Variants in TIMP2 observed in about 807,000 individuals in gnomAD.
TIMP2 encodes the protein TIMP metallopeptidase inhibitor 2.
A neutral mutation model predicts 24.3 loss-of-function variants in TIMP2; 5 were observed. That is an observed-to-expected ratio of 0.21 (90% confidence interval 0.11 to 0.43). The LOEUF (loss-of-function observed/expected upper bound fraction) is 0.43. Ranked by LOEUF, TIMP2 falls within the 20% of genes least tolerant of loss-of-function variation. TIMP2 has a pLI of 1.00. For missense variants in TIMP2, 221 were observed against 297.5 expected (o/e 0.74, Z 1.89); for synonymous variants, 130 against 123.2 (o/e 1.06, Z -0.37).
Position 78,857,353 on chromosome 17 carries a change from C to A in TIMP2, c.465+169G>T. The A allele has an allele frequency of 5.6e-6, 5 of 886,302 alleles. No individual in the cohort carries two copies. The South Asian group carries it at 8.5e-5, about 15-fold the overall frequency. 54.9% of individuals were successfully genotyped at this position (886,302 alleles called of 1,614,324 possible). ...AGGGACCAGGGGTCAAAGGCTCTGT[C>A]CCCAGCCAGACAGCCTTACTCTTGG... On this transcript the variant is annotated intron_variant, in intron 4 of 4. Coordinates refer to ENST00000262768, the MANE Select transcript of TIMP2 (RefSeq NM_003255.5).
At chr17:78,882,824 G>C (rs541034582) in intron 1 of TIMP2, among the ~76,000 whole-genome samples, 1 of 152,378 alleles carries the variant, frequency 6.6e-6, no homozygotes, top group East Asian at 1.9e-4. Flanking sequence ...GTGTTGTGAG[G>C]TGACAGTGAG....
chr17:78,896,284 T>C lies in TIMP2; in HGVS notation c.131-22365A>G, dbSNP rs567041178. Among the ~76,000 whole-genome samples the C allele has an allele frequency of 1.3e-5, 2 of 152,344 alleles. No homozygotes were observed. Among genetic ancestry groups the C allele is most frequent in the South Asian group, 4.1e-4 (2 of 4,830 alleles). On this transcript the variant is annotated intron_variant, in intron 1 of 4. Coordinates refer to ENST00000262768, the MANE Select transcript of TIMP2 (RefSeq NM_003255.5). This position sits in a 1 kb window ranked among gnomAD's most constrained non-coding sequence, Gnocchi z 4.4. Reference sequence around the variant, plus strand: ...AACAGAGCCTTAGCTGAGCCCAAGATGACCAAGGAGAAACAGCCGTTCACC... The same window carrying C: ...AACAGAGCCTTAGCTGAGCCCAAGACGACCAAGGAGAAACAGCCGTTCACC...
At chr17:78,892,463 C>T (rs575986803) in intron 1 of TIMP2, 76 of 1,544,196 alleles carry the variant, frequency 4.9e-5, no homozygotes, top group Admixed American at 4.6e-4. Flanking sequence ...AGCAAACCTA[C>T]GAGGAAGGGA....
intron 1 of TIMP2, chr17:78,890,634 G>C: frequency 6.5e-7 from 1 of 1,547,454 alleles, no homozygotes; most frequent in Non-Finnish European, 8.7e-7. Context: ...TGGGCCTCTC[G>C]CATTTAGCAT....
intron 1 of TIMP2, among the ~76,000 whole-genome samples, chr17:78,908,481 CA>C (rs1460671487): frequency 6.6e-6 from 1 of 152,076 alleles, no homozygotes; most frequent in African/African-American, 2.4e-5. Flanking sequence ...GCCTCTTGGC[CA>C]AAAGGAGCAA....
rs1040738131 is a variant in TIMP2 at position 78,896,373 on chromosome 17, C to T, written c.131-22454G>A. ...ATGCCCAGGCTGATCTCCAGGCAGC[C>T]CAGTGTCTCTCCAGCCCTGCCAGAC... On this transcript the variant is annotated intron_variant, in intron 1 of 4. Transcript: ENST00000262768. This position sits in a 1 kb window ranked among gnomAD's most constrained non-coding sequence, Gnocchi z 4.4. Among the ~76,000 whole-genome samples the T allele has an allele frequency of 2.0e-5, 3 of 152,216 alleles. No homozygotes were observed. The highest frequency in any genetic ancestry group is 7.2e-5 in the African/African-American group (3 of 41,458).
intron 4 of TIMP2, chr17:78,857,221 C>T (rs2069530700): frequency 3.1e-6 from 1 of 323,682 alleles, no homozygotes; most frequent in South Asian, 4.7e-5. Flanking sequence ...CTCCCGACCT[C>T]AAGTGACCCA....
chr17:78,918,647 C>A (rs2070284053), intron 1 of TIMP2, among the ~76,000 whole-genome samples: 1 of 152,158 alleles, frequency 6.6e-6, no homozygotes, highest in African/African-American at 2.4e-5. Context: ...TGTTCAGACC[C>A]ACGGGCAACA....
rs2145741773 is a variant in TIMP2 at position 78,853,390 on chromosome 17, T to C, written c.*2277A>G. 6.6e-6 allele frequency: 1 copy of C among 152,576 alleles called. No homozygotes were observed. The allele number at this position is 152,576 out of a possible 1,614,324, so 9.5% of individuals were successfully genotyped here. A position where few individuals can be genotyped will look rare whatever the true frequency, so the allele number is the denominator to read the frequency against. ...ACTATATATATATTGCCACTATTTA[T>C]TGTGAAGGTATTTGAGCGGCTTCCT... is the stretch of plus-strand genomic sequence containing the variant. On this transcript the variant is annotated 3_prime_UTR_variant, in exon 5 of 5. Transcript: ENST00000262768.
intron 1 of TIMP2, chr17:78,874,224 G>T: frequency 2.8e-6 from 1 of 353,356 alleles, no homozygotes; most frequent in South Asian, 4.9e-5. Flanking sequence ...TTCTGTAACA[G>T]TGGGAGGCAG....
At chr17:78,917,052 AC>A (rs1415258720) in intron 1 of TIMP2, among the ~76,000 whole-genome samples, 1 of 152,158 alleles carries the variant, frequency 6.6e-6, no homozygotes, top group Non-Finnish European at 1.5e-5. Context: ...GGAGTTTGAG[AC>A]CAGCCTGGCC....
At chr17:78,901,827 A>G (rs1050629667) in intron 1 of TIMP2, 3 of 711,974 alleles carry the variant, frequency 4.2e-6, no homozygotes, top group Admixed American at 4.1e-5. Context: ...CCCAGAACAC[A>G]TTACAGGGAG....
intron 1 of TIMP2, among the ~76,000 whole-genome samples, chr17:78,893,255 G>T (rs2069937032): frequency 1.3e-5 from 2 of 149,912 alleles, no homozygotes; most frequent in South Asian, 2.1e-4. Context: ...AGGAGTGTGT[G>T]TGCAGGGGTG....
At chr17:78,887,020 C>T (rs935563045) in intron 1 of TIMP2, among the ~76,000 whole-genome samples, 1 of 152,180 alleles carries the variant, frequency 6.6e-6, no homozygotes, top group Admixed American at 6.5e-5. Context: ...CCATGCCCAG[C>T]CTCGAATTTC....
intron 3 of TIMP2, among the ~76,000 whole-genome samples, chr17:78,863,024 G>A (rs966691871): frequency 2.6e-5 from 4 of 152,152 alleles, no homozygotes; most frequent in African/African-American, 9.7e-5. Context: ...ATGAACATAC[G>A]GGCGCAGTGC....
intron 1 of TIMP2, among the ~76,000 whole-genome samples, chr17:78,913,895 GAAAA>G (rs34119062): frequency 7.8e-5 from 8 of 102,166 alleles, no homozygotes; most frequent in Admixed American, 2.3e-4. Flanking sequence ...CTGTCTCGGG[GAAAA>G]AAAAAAAAAA....
intron 1 of TIMP2, among the ~76,000 whole-genome samples, chr17:78,886,229 G>C (rs578180978): frequency 6.6e-6 from 1 of 152,162 alleles, no homozygotes; most frequent in African/African-American, 2.4e-5. Context: ...GTTTTAGCTC[G>C]TGTGGTCAAG....
intron 2 of TIMP2, among the ~76,000 whole-genome samples, chr17:78,871,317 T>G (rs373222147): frequency 6.2e-4 from 94 of 151,806 alleles, no homozygotes; most frequent in African/African-American, 2.1e-3. Context: ...CTGAGCATGG[T>G]GGCAAGCGCC....
chr17:78,871,861 C>T (rs1180533053), intron 2 of TIMP2, among the ~76,000 whole-genome samples: 2 of 149,246 alleles, frequency 1.3e-5, no homozygotes, highest in Non-Finnish European at 3.0e-5. Flanking sequence ...AAAAAAAAGA[C>T]TGTCATCTGG....
Sources: gnomAD v4.1 joint callset for allele counts (sites outside exome capture counted in the v4.1 genomes callset) on GRCh38, gnomAD v4.1.1 for gene constraint, Gnocchi (gnomAD v3.1) non-coding constraint, MANE v1.5 for transcripts, NCBI Gene and HGNC (gene_info 2026-07-23, HGNC 2026-07-21) for gene names.